Variants in MMD2 observed in about 807,000 individuals in gnomAD.
MMD2 encodes monocyte to macrophage differentiation factor 2.
In MMD2, 30 loss-of-function variants were observed where a neutral mutation model predicts 33.5. The observed-to-expected ratio is 0.90, with a 90% CI of 0.67 to 1.22. MMD2 has a LOEUF of 1.22. MMD2 is among the 50% of genes most tolerant of loss of function. The pLI is 0.00. For synonymous variants in MMD2, 129 were observed against 123.0 expected, an observed-to-expected ratio of 1.05 and a Z score of -0.32; for missense variants, 364 against 325.4, an observed-to-expected ratio of 1.12 and a Z score of -0.91.
intron 1 of MMD2, among the ~76,000 whole-genome samples, chr7:4,945,996 T>C (rs1786065983): frequency 6.6e-6 from 1 of 152,240 alleles, no homozygotes; most frequent in Non-Finnish European, 1.5e-5. Context: ...CATTCATTCC[T>C]ATGTAACGCA....
At chr7:4,935,441 A>T (rs796141163) in intron 1 of MMD2, among the ~76,000 whole-genome samples, 2 of 152,190 alleles carry the variant, frequency 1.3e-5, no homozygotes, top group African/African-American at 4.8e-5. Flanking sequence ...TGGCATGCTT[A>T]GAAGTTTCTT....
rs75778246 is a variant in MMD2, at chr7:4,955,607, T to C, written c.47+3364A>G. ...GTAAAATATCTCCTAAATAATTTGT[T>C]CATATTCATTGTATACTGATATAAT... On this transcript the variant is annotated intron_variant, in intron 1 of 6. Coordinates refer to ENST00000401401, the MANE Select transcript of MMD2 (RefSeq NM_198403.4). Among the ~76,000 whole-genome samples, 219 of 152,362 alleles carry C rather than the reference T, an allele frequency of 1.4e-3. 5 individuals carry two copies. The East Asian group carries it at 0.039, about 27-fold the overall frequency.
intron 1 of MMD2, among the ~76,000 whole-genome samples, chr7:4,937,053 G>C (rs1240906651): frequency 6.6e-6 from 1 of 151,062 alleles, no homozygotes. Flanking sequence ...TCTTTAAAGG[G>C]TATCTTAGTC....
At chr7:4,934,940 C>G (rs1001101334) in intron 1 of MMD2, among the ~76,000 whole-genome samples, 2 of 152,168 alleles carry the variant, frequency 1.3e-5, no homozygotes, top group African/African-American at 4.8e-5. Context: ...GATCCCAGCA[C>G]TTTGAAAGGC....
intron 4 of MMD2, among the ~76,000 whole-genome samples, chr7:4,915,480 C>A (rs908000497): frequency 2.6e-5 from 4 of 151,866 alleles, no homozygotes; most frequent in African/African-American, 9.7e-5. Flanking sequence ...TGGCTCACAC[C>A]TGTAATCCAA....
intron 1 of MMD2, among the ~76,000 whole-genome samples, chr7:4,935,913 G>A (rs959693047): frequency 3.3e-5 from 5 of 151,972 alleles, no homozygotes; most frequent in African/African-American, 7.3e-5. Flanking sequence ...GGCCGGGCGC[G>A]ATGGCTCATG....
chr7:4,907,738 C>T (rs1784900985), intron 6 of MMD2, 139 bp from the exon 7 acceptor site: 2 of 687,788 alleles, frequency 2.9e-6, no homozygotes, highest in Admixed American at 2.5e-5. Flanking sequence ...GAAGCCTCAA[C>T]ACTGACATAC....
chr7:4,919,015 C>T (rs1785209232), intron 3 of MMD2, among the ~76,000 whole-genome samples: 1 of 152,008 alleles, frequency 6.6e-6, no homozygotes, highest in Non-Finnish European at 1.5e-5. Context: ...AAGAGGATCG[C>T]TTGAGCCCTG....
At chr7:4,892,695 T>C in the MMD2 span, among the ~76,000 whole-genome samples, 5 of 152,002 alleles carry the variant, frequency 3.3e-5, no homozygotes, top group Non-Finnish European at 1.5e-5. Flanking sequence ...TTCTAGGTGA[T>C]AGAGTTTATG....
intron 1 of MMD2, among the ~76,000 whole-genome samples, chr7:4,934,657 CA>C (rs1336272409): frequency 2.0e-5 from 3 of 152,156 alleles, no homozygotes; most frequent in Non-Finnish European, 4.4e-5. Context: ...GGAGGACTCC[CA>C]AACTGAGCCA....
intron 2 of MMD2, among the ~76,000 whole-genome samples, chr7:4,924,580 G>T (rs1204793424): frequency 6.6e-6 from 1 of 152,228 alleles, no homozygotes; most frequent in Non-Finnish European, 1.5e-5. Context: ...AGCTGGCATG[G>T]TGATGGGCCG....
chr7:4,914,485 T>C (rs112761659), intron 4 of MMD2, among the ~76,000 whole-genome samples: 8 of 152,194 alleles, frequency 5.3e-5, no homozygotes, highest in African/African-American at 1.4e-4. Flanking sequence ...ATGTAAAACC[T>C]TCAATATTTA....
intron 1 of MMD2, among the ~76,000 whole-genome samples, chr7:4,926,341 A>T (rs1406108963): frequency 6.8e-6 from 1 of 147,790 alleles, no homozygotes; most frequent in South Asian, 2.2e-4. Context: ...CGATCCTCCC[A>T]CCTTGGCTTC....
rs893631275 is a variant in MMD2, at chr7:4,946,191, A to G, written c.47+12780T>C. On this transcript the variant is annotated intron_variant, in intron 1 of 6. Coordinates refer to ENST00000401401, the MANE Select transcript of MMD2 (RefSeq NM_198403.4). This position sits in a 1 kb window ranked among gnomAD's most constrained non-coding sequence, Gnocchi z 5.0. ...TGCACACATGCACACACACGCGCGC[A>G]CACCCACACACACGCATGCACACAC... Among the ~76,000 whole-genome samples, 20 of 151,278 alleles carry G rather than the reference A, an allele frequency of 1.3e-4. No homozygotes were observed. The highest frequency in any genetic ancestry group is 5.9e-4 in the East Asian group (3 of 5,126).
At position 4,933,263 on chromosome 7, in the gene MMD2, G is replaced by A. The variant is rs181983009; in HGVS notation, c.48-7731C>T. 2.6e-3 allele frequency among the ~76,000 whole-genome samples: 395 copies of A among 152,216 alleles called. 6 individuals are homozygous for A. The highest frequency in any genetic ancestry group is 9.0e-3 in the African/African-American group (374 of 41,504). On this transcript the variant is annotated intron_variant, in intron 1 of 6. Coordinates refer to ENST00000401401, the MANE Select transcript of MMD2 (RefSeq NM_198403.4). ...TGTCGTCCCAGCTGCTTGGGAGGCC[G>A]AGGCAAGAGGATCACTTGAGCCCAG... is the stretch of plus-strand genomic sequence containing the variant.
chr7:4,942,435 A>T (rs879522850), intron 1 of MMD2, among the ~76,000 whole-genome samples: 60 of 149,268 alleles, frequency 4.0e-4, no homozygotes, highest in South Asian at 6.4e-4. Flanking sequence ...TAATTAAAAA[A>T]TTTTTTTAAT....
downstream of MMD2, among the ~76,000 whole-genome samples, chr7:4,904,018 G>A (rs300531): frequency 1.2e-4 from 18 of 151,892 alleles, no homozygotes; most frequent in Admixed American, 1.0e-3. Flanking sequence ...CTACAACCTC[G>A]GCCTCCCGAG....
Position 4,957,660 on chromosome 7 carries a change from A to C in MMD2, c.47+1311T>G, listed in dbSNP as rs560875768. Among the ~76,000 whole-genome samples the C allele has an allele frequency of 9.0e-4, 136 of 151,920 alleles. 1 individual carries two copies. Among genetic ancestry groups the C allele is most frequent in the African/African-American group, 3.1e-3 (129 of 41,458 alleles). The stretch of plus-strand genomic sequence containing the variant: ...GCGAGACTCCATCTCAGAAAAAAAA[A>C]AAAAGTAAGTCCAGTCCAGTCACAC... On this transcript the variant is annotated intron_variant, in intron 1 of 6. Transcript: ENST00000401401.
chr7:4,911,041 C>G, intron 5 of MMD2, 104 bp downstream of exon 5: 5 of 986,800 alleles, frequency 5.1e-6, no homozygotes, highest in Non-Finnish European at 7.6e-6. Context: ...GCTGTGCTCT[C>G]ACGATTATGA....
Sources: allele counts gnomAD v4.1 joint callset (sites outside exome capture counted in the v4.1 genomes callset), GRCh38; gene constraint gnomAD v4.1.1; non-coding constraint Gnocchi (gnomAD v3.1); transcripts MANE v1.5; gene names NCBI Gene and HGNC (gene_info 2026-07-23, HGNC 2026-07-21).